EXOC4: variants seen among roughly 807,000 people sequenced by gnomAD.
EXOC4 encodes the protein exocyst complex component 4, also known as SEC8-like 1.
A neutral mutation model predicts 107.2 loss-of-function variants in EXOC4; 71 were observed. That is an observed-to-expected ratio of 0.66 (90% CI 0.55 to 0.81). The LOEUF (loss-of-function observed/expected upper bound fraction) is 0.81. EXOC4 is among the 30% of genes least tolerant of loss of function. EXOC4 has a pLI of 0.00. For synonymous variants in EXOC4, 456 were observed against 441.2 expected (o/e 1.03, Z -0.42); for missense variants, 1,108 against 1,189.6 (o/e 0.93, Z 1.01).
intron 11 of EXOC4, among the ~76,000 whole-genome samples, chr7:133,832,854 G>A (rs1797839515): frequency 6.6e-6 from 1 of 151,954 alleles, no homozygotes; most frequent in African/African-American, 2.4e-5. Flanking sequence ...TTGTGGTGGT[G>A]GTAGGGGCAG....
At chr7:133,864,267 A>T (rs1798592497) in intron 11 of EXOC4, among the ~76,000 whole-genome samples, 1 of 152,104 alleles carries the variant, frequency 6.6e-6, no homozygotes, top group South Asian at 2.1e-4. Context: ...GTGTACAACA[A>T]CTCTGTGAGA....
At chr7:133,882,149 A>G (rs1798980192) in intron 11 of EXOC4, among the ~76,000 whole-genome samples, 1 of 152,194 alleles carries the variant, frequency 6.6e-6, no homozygotes, top group African/African-American at 2.4e-5. Flanking sequence ...TATGTCTGTG[A>G]TATTTTTCCA....
At chr7:133,809,181 T>G (rs1797155541) in intron 10 of EXOC4, among the ~76,000 whole-genome samples, 1 of 152,234 alleles carries the variant, frequency 6.6e-6, no homozygotes, top group Non-Finnish European at 1.5e-5. Context: ...GGTACAGAAT[T>G]CTGATGCAGA....
At chr7:134,090,312 G>A in the EXOC4 span, among the ~76,000 whole-genome samples, 1 of 152,118 alleles carries the variant, frequency 6.6e-6, no homozygotes, top group Admixed American at 6.5e-5. Flanking sequence ...GGACATACTT[G>A]GAAACCTCAT....
intron 11 of EXOC4, among the ~76,000 whole-genome samples, chr7:133,873,278 A>T (rs1798785961): frequency 6.6e-6 from 1 of 152,240 alleles, no homozygotes; most frequent in African/African-American, 2.4e-5. Context: ...GCCTCACCCC[A>T]AGTTGAAAAC....
chr7:133,957,539 G>T (rs1800844778), intron 14 of EXOC4, among the ~76,000 whole-genome samples: 1 of 152,156 alleles, frequency 6.6e-6, no homozygotes, highest in South Asian at 2.1e-4. Flanking sequence ...GGAAAGTCAA[G>T]ATTCTTAAAT....
chr7:133,622,137 G>C (rs2041998), intron 9 of EXOC4, among the ~76,000 whole-genome samples: 145,084 of 152,112 alleles, frequency 0.95, 69,571 homozygotes, highest in East Asian at 1. Flanking sequence ...ACCATGCTGG[G>C]CTAATTTTTT....
intron 11 of EXOC4, among the ~76,000 whole-genome samples, chr7:133,873,933 T>C (rs1300569629): frequency 1.3e-5 from 2 of 152,240 alleles, no homozygotes; most frequent in African/African-American, 4.8e-5. Flanking sequence ...GTTCCTTTCA[T>C]ATAAACTTGG....
At chr7:133,428,352 T>C (rs1797774715) in intron 7 of EXOC4, among the ~76,000 whole-genome samples, 1 of 152,226 alleles carries the variant, frequency 6.6e-6, no homozygotes, top group Non-Finnish European at 1.5e-5. Flanking sequence ...AGAGAATTGC[T>C]AACATTTCAC....
chr7:133,995,354 T>C (rs1395890234), intron 14 of EXOC4, among the ~76,000 whole-genome samples: 1 of 152,188 alleles, frequency 6.6e-6, no homozygotes, highest in Non-Finnish European at 1.5e-5. Flanking sequence ...GACTTCAAAG[T>C]CCAATTTCTG....
At chr7:133,789,374 A>G (rs957660135) in intron 10 of EXOC4, among the ~76,000 whole-genome samples, 1 of 152,152 alleles carries the variant, frequency 6.6e-6, no homozygotes, top group African/African-American at 2.4e-5. Context: ...CTTGAGTTCT[A>G]TGCCACTACT....
At chr7:133,550,728 A>G (rs1021141695) in intron 9 of EXOC4, among the ~76,000 whole-genome samples, 1 of 152,192 alleles carries the variant, frequency 6.6e-6, no homozygotes, top group Non-Finnish European at 1.5e-5. Context: ...AAATGAGGGC[A>G]TGTTCCTAGC....
intron 9 of EXOC4, among the ~76,000 whole-genome samples, chr7:133,500,055 A>G (rs752308707): frequency 3.3e-5 from 5 of 152,180 alleles, no homozygotes; most frequent in Non-Finnish European, 5.9e-5. Flanking sequence ...CACAAAACCA[A>G]TAAAGGACAA....
At chr7:133,874,264 C>T (rs1462850894) in intron 11 of EXOC4, among the ~76,000 whole-genome samples, 1 of 152,078 alleles carries the variant, frequency 6.6e-6, no homozygotes, top group Non-Finnish European at 1.5e-5. Context: ...TTGATTTTTG[C>T]CCAGTGGTGC....
intron 17 of EXOC4, among the ~76,000 whole-genome samples, chr7:134,024,421 A>G (rs1216543259): frequency 1.3e-5 from 2 of 151,356 alleles, no homozygotes; most frequent in African/African-American, 4.9e-5. Flanking sequence ...ACTGCACTCT[A>G]GCCTGGGTTA....
At position 133,374,903 on chromosome 7, in the gene EXOC4, A is replaced by G. The variant is rs763137832; in HGVS notation, c.1083A>G (p.Gly361=). 9 of 1,613,806 alleles carry G rather than the reference A, an allele frequency of 5.6e-6. No homozygotes were observed. The Admixed American group carries it at 1.2e-4, about 21-fold the overall frequency. The change falls in exon 7 of 18, where the codon GGA becomes GGG. Residue 361 remains glycine (G), a synonymous_variant. Transcript: ENST00000253861. ...CCGCTGCACACTCTGTGGTCCTGGGATACCTGCAGGACACTGTAGTGACTC... is the reference window on the plus strand; with the variant it reads ...CCGCTGCACACTCTGTGGTCCTGGGGTACCTGCAGGACACTGTAGTGACTC... The part of the protein sequence containing the change: ...AVAAAHSVVL[G]YLQDTVVTPL...
chr7:133,650,841 T>C (rs551553488), intron 10 of EXOC4, among the ~76,000 whole-genome samples: 1 of 151,854 alleles, frequency 6.6e-6, no homozygotes, highest in Non-Finnish European at 1.5e-5. Context: ...CCAGGAGACA[T>C]ATTCCTATTT....
chr7:133,295,391 C>T (rs1010376242), intron 3 of EXOC4, among the ~76,000 whole-genome samples: 2 of 152,046 alleles, frequency 1.3e-5, no homozygotes, highest in Admixed American at 6.6e-5. Flanking sequence ...ATTACTTACT[C>T]GGCTTACATT....
At chr7:133,795,325 T>C (rs2151188980) in intron 10 of EXOC4, among the ~76,000 whole-genome samples, 1 of 152,350 alleles carries the variant, frequency 6.6e-6, no homozygotes, top group Non-Finnish European at 1.5e-5. Flanking sequence ...GTTGACCCTC[T>C]GTTCCCTGCA....
Sources: allele counts gnomAD v4.1 joint callset (sites outside exome capture counted in the v4.1 genomes callset), GRCh38; gene constraint gnomAD v4.1.1; transcripts MANE v1.5; gene names NCBI Gene and HGNC (gene_info 2026-07-23, HGNC 2026-07-21).